ADGRL2: variants seen among roughly 807,000 people sequenced by gnomAD.
ADGRL2 encodes calcium-independent alpha-latrotoxin receptor 2.
A neutral mutation model predicts 157.4 loss-of-function variants in ADGRL2; 44 were observed. That is an observed-to-expected ratio of 0.28 (90% CI 0.22 to 0.36). ADGRL2 has a LOEUF of 0.36. ADGRL2 is among the 10% of genes least tolerant of loss of function. ADGRL2 has a pLI of 1.00. For synonymous variants in ADGRL2, 585 were observed against 624.7 expected (o/e 0.94, Z 0.95); for missense variants, 1,510 against 1,768.9 (o/e 0.85, Z 2.63).
intron 1 of ADGRL2, among the ~76,000 whole-genome samples, chr1:81,352,814 A>T (rs757406561): frequency 6.6e-6 from 1 of 152,180 alleles, no homozygotes; most frequent in Non-Finnish European, 1.5e-5. Context: ...ATGGAATCAA[A>T]GGGAAAAGAG....
chr1:81,414,664 A>G (rs2077003897), intron 1 of ADGRL2, among the ~76,000 whole-genome samples: 1 of 152,074 alleles, frequency 6.6e-6, no homozygotes, highest in South Asian at 2.1e-4. Context: ...GGAGGATATT[A>G]CTTTGCTTGA....
rs560390442 is a variant in ADGRL2, at chr1:81,397,906, A to C, written c.-301-47130A>C. Reference sequence around the variant, plus strand: ...TCTAGATAATCTGTCCAGTGCTGAAAGTGGGATGTTGAAGTCCCCGACTAT... The same window carrying C: ...TCTAGATAATCTGTCCAGTGCTGAACGTGGGATGTTGAAGTCCCCGACTAT... On this transcript the variant is annotated intron_variant, in intron 1 of 24. Coordinates refer to the ADGRL2 transcript ENST00000370721. Among the ~76,000 whole-genome samples, 65 of 152,318 alleles carry C rather than the reference A, an allele frequency of 4.3e-4. 1 individual carries two copies. Among genetic ancestry groups the C allele is most frequent in the African/African-American group, 1.5e-3 (63 of 41,580 alleles).
intron 1 of ADGRL2, among the ~76,000 whole-genome samples, chr1:81,801,300 A>G (rs1200475135): frequency 2.0e-5 from 3 of 152,160 alleles, no homozygotes; most frequent in African/African-American, 7.2e-5. Flanking sequence ...TGTTTATATG[A>G]TTAGCCCAAC....
intron 2 of ADGRL2, among the ~76,000 whole-genome samples, chr1:81,445,994 T>G (rs1267446809): frequency 6.6e-6 from 1 of 152,228 alleles, no homozygotes; most frequent in East Asian, 1.9e-4. Context: ...TTCAACCTCC[T>G]CACCTTACTT....
intron 1 of ADGRL2, among the ~76,000 whole-genome samples, chr1:81,719,963 T>G (rs2149116803): frequency 6.6e-6 from 1 of 152,102 alleles, no homozygotes; most frequent in African/African-American, 2.4e-5. Context: ...GGTACCACAT[T>G]CCACCCCCTG....
At chr1:81,309,360 C>A (rs1659573071) in intron 1 of ADGRL2, among the ~76,000 whole-genome samples, 1 of 152,046 alleles carries the variant, frequency 6.6e-6, no homozygotes, top group Admixed American at 6.6e-5. Flanking sequence ...AACCATCATC[C>A]CCATTTCAAA....
chr1:81,988,647 G>A (rs1471874121), intron 23 of ADGRL2, among the ~76,000 whole-genome samples: 1 of 152,022 alleles, frequency 6.6e-6, no homozygotes, highest in African/African-American at 2.4e-5. Context: ...CAGTCTTTAA[G>A]ACAATACAAA....
intron 2 of ADGRL2, among the ~76,000 whole-genome samples, chr1:81,534,630 A>G (rs1349263931): frequency 1.3e-5 from 2 of 152,250 alleles, no homozygotes; most frequent in African/African-American, 4.8e-5. Context: ...GTCTGTGATC[A>G]CATGGCTTTT....
intron 2 of ADGRL2, among the ~76,000 whole-genome samples, chr1:81,889,057 C>A (rs1007027931): frequency 6.6e-5 from 10 of 152,270 alleles, no homozygotes; most frequent in Admixed American, 5.2e-4. Context: ...CCCTGTCTCT[C>A]CCCCTCTCAT....
intron 2 of ADGRL2, among the ~76,000 whole-genome samples, chr1:81,458,240 C>G (rs538275792): frequency 6.6e-6 from 1 of 152,030 alleles, no homozygotes; most frequent in African/African-American, 2.4e-5. Context: ...GGTAAGAATA[C>G]TTACCATGAG....
At chr1:81,835,784 C>A (rs1460179047) in intron 1 of ADGRL2, among the ~76,000 whole-genome samples, 1 of 152,076 alleles carries the variant, frequency 6.6e-6, no homozygotes, top group Non-Finnish European at 1.5e-5. Flanking sequence ...CTTAGGGAAG[C>A]ATTTACATCT....
At chr1:81,965,363 C>A (rs548527392) in intron 11 of ADGRL2, among the ~76,000 whole-genome samples, 101 of 152,296 alleles carry the variant, frequency 6.6e-4, no homozygotes, top group African/African-American at 2.3e-3. Context: ...AAACAAATGG[C>A]ATGCCAGGCT....
intron 2 of ADGRL2, among the ~76,000 whole-genome samples, chr1:81,553,178 T>G (rs2080192578): frequency 6.6e-6 from 1 of 152,172 alleles, no homozygotes; most frequent in Non-Finnish European, 1.5e-5. Flanking sequence ...TCAGTATTAT[T>G]TAAAAAGTAT....
At chr1:81,715,762 C>G (rs1351737669) in intron 1 of ADGRL2, among the ~76,000 whole-genome samples, 3 of 152,042 alleles carry the variant, frequency 2.0e-5, no homozygotes, top group Non-Finnish European at 4.4e-5. Context: ...TTTCCATTGT[C>G]TCTTCATGAG....
At chr1:81,526,361 T>C (rs1290321772) in intron 2 of ADGRL2, among the ~76,000 whole-genome samples, 2 of 152,220 alleles carry the variant, frequency 1.3e-5, no homozygotes, top group Non-Finnish European at 2.9e-5. Context: ...CTGTAGATAT[T>C]TTCCTCACAT....
At chr1:81,380,927 A>G (rs2076333467) in intron 1 of ADGRL2, among the ~76,000 whole-genome samples, 1 of 152,090 alleles carries the variant, frequency 6.6e-6, no homozygotes, top group African/African-American at 2.4e-5. Flanking sequence ...ACATGTGGAA[A>G]CTACATGAAA....
chr1:81,830,284 C>T (rs914643661), intron 1 of ADGRL2, among the ~76,000 whole-genome samples: 17 of 152,086 alleles, frequency 1.1e-4, no homozygotes, highest in African/African-American at 4.1e-4. Flanking sequence ...GTAGGAAGTA[C>T]TCACTGGATA....
rs12061296 is a variant in ADGRL2, at chr1:81,881,200, G to C, written c.74-25817G>C. 4.9e-3 allele frequency among the ~76,000 whole-genome samples: 745 copies of C among 152,204 alleles called. 6 individuals carry two copies. Among genetic ancestry groups the C allele is most frequent in the African/African-American group, 0.015 (635 of 41,536 alleles). ...AATATTTTATTTTATTTTTGAGACG[G>C]AGTCTTGCTCTGTCACCCAGGCTGG... On this transcript the variant is annotated intron_variant, in intron 2 of 23. Coordinates refer to ENST00000686636, the MANE Select transcript of ADGRL2 (RefSeq NM_001366006.2).
intron 2 of ADGRL2, among the ~76,000 whole-genome samples, chr1:81,511,921 C>T (rs1016449819): frequency 5.9e-5 from 9 of 151,770 alleles, no homozygotes; most frequent in East Asian, 1.9e-4. Context: ...AAAATCTCAA[C>T]GTTTTATAAT....
Sources: allele counts gnomAD v4.1 joint callset (sites outside exome capture counted in the v4.1 genomes callset), GRCh38; gene constraint gnomAD v4.1.1; transcripts MANE v1.5; gene names NCBI Gene and HGNC (gene_info 2026-07-23, HGNC 2026-07-21).